Variants in CCDC7 observed in about 807,000 individuals in gnomAD.
The protein encoded by CCDC7 is coiled-coil domain-containing protein 7.
Under a neutral mutation model 196.9 loss-of-function variants are expected in CCDC7, and 183 were observed. That is an observed-to-expected ratio of 0.93 (90% CI 0.82 to 1.05). The LOEUF (loss-of-function observed/expected upper bound fraction) is 1.05, where lower values mean the gene tolerates loss of function less well. Among genes scored for constraint, CCDC7 ranks in the 50% least tolerant of loss-of-function variants. The pLI is 0.00. For missense variants in CCDC7, 1,540 were observed against 1,482.2 expected (o/e 1.04, Z -0.64); for synonymous variants, 525 against 484.6 (o/e 1.08, Z -1.10).
At chr10:32,703,473 G>T (rs1267917875) in intron 24 of CCDC7, among the ~76,000 whole-genome samples, 1 of 151,922 alleles carries the variant, frequency 6.6e-6, no homozygotes, top group Non-Finnish European at 1.5e-5. Context: ...CTACTTTGGT[G>T]AATCTGACAA....
At chr10:32,850,901 G>A (rs1045593524) in intron 39 of CCDC7, among the ~76,000 whole-genome samples, 1 of 151,366 alleles carries the variant, frequency 6.6e-6, no homozygotes, top group Non-Finnish European at 1.5e-5. Flanking sequence ...AGAAACGAAG[G>A]CAAATATGGC....
intron 26 of CCDC7, among the ~76,000 whole-genome samples, chr10:32,727,344 T>C (rs1318055507): frequency 2.6e-5 from 4 of 152,162 alleles, no homozygotes; most frequent in Admixed American, 2.6e-4. Context: ...GTCTTCTTGG[T>C]ACCCTTATAG....
At chr10:32,864,163 AG>A (rs1419594618) in intron 41 of CCDC7, among the ~76,000 whole-genome samples, 5 of 152,004 alleles carry the variant, frequency 3.3e-5, no homozygotes, top group Admixed American at 3.3e-4. Context: ...AGTAATCCTT[AG>A]GGAAATGCAA....
intron 18 of CCDC7, among the ~76,000 whole-genome samples, chr10:32,617,505 A>G (rs1263613621): frequency 6.6e-6 from 1 of 151,750 alleles, no homozygotes; most frequent in Admixed American, 6.6e-5. Context: ...CATTCATTTA[A>G]TAAAATTTTT....
intron 25 of CCDC7, among the ~76,000 whole-genome samples, chr10:32,720,519 CT>C (rs2082254253): frequency 6.6e-6 from 1 of 151,990 alleles, no homozygotes; most frequent in Non-Finnish European, 1.5e-5. Context: ...ACATGTATAC[CT>C]ATGTAACAAG....
At chr10:32,851,689 A>G (rs1226887972) in intron 39 of CCDC7, 118 bp from the exon 41 acceptor site, 1 of 997,522 alleles carries the variant, frequency 1.0e-6, no homozygotes, top group African/African-American at 1.7e-5. Flanking sequence ...GTTTTTTTAA[A>G]TGTTTGCTTT....
At chr10:32,645,503 C>CTTT (rs35170235) in intron 20 of CCDC7, among the ~76,000 whole-genome samples, 134 of 64,926 alleles carry the variant, frequency 2.1e-3, no homozygotes, top group East Asian at 2.7e-3. Context: ...GAGTCCATGT[C>CTTT]TTTTTTTTTT....
intron 28 of CCDC7, among the ~76,000 whole-genome samples, chr10:32,777,376 T>G (rs1183496891): frequency 6.6e-6 from 1 of 152,194 alleles, no homozygotes; most frequent in Non-Finnish European, 1.5e-5. Flanking sequence ...GAACAATTTA[T>G]TTTCCTTTGG....
upstream of CCDC7, among the ~76,000 whole-genome samples, chr10:32,445,177 C>G (rs572424736): frequency 3.9e-5 from 6 of 152,220 alleles, no homozygotes; most frequent in South Asian, 1.2e-3. Flanking sequence ...TTTGAACACA[C>G]CCAGAAAGAG....
At chr10:32,819,255 A>T (rs1432410898) in intron 31 of CCDC7, among the ~76,000 whole-genome samples, 1 of 152,222 alleles carries the variant, frequency 6.6e-6, no homozygotes, top group Non-Finnish European at 1.5e-5. Context: ...CCCTCCCAAG[A>T]CCAAACCAGG....
chr10:32,543,237 A>G (rs1413767040), intron 11 of CCDC7, 63 bp from the exon 13 acceptor site: 2 of 1,252,760 alleles, frequency 1.6e-6, no homozygotes, highest in African/African-American at 1.6e-5. Flanking sequence ...GTATATTATC[A>G]TATCTTTCTA....
chr10:32,870,179 C>T lies in CCDC7; in HGVS notation c.4112-6168C>T, dbSNP rs550630698. Reference sequence around the variant, plus strand: ...GGATGGCATTGAATCTGTAAATTACCTTGGGCAGTATGGCCATTTTCACGA... The same window carrying T: ...GGATGGCATTGAATCTGTAAATTACTTTGGGCAGTATGGCCATTTTCACGA... On this transcript the variant is annotated intron_variant, in intron 41 of 41. Transcript: ENST00000639629. Among the ~76,000 whole-genome samples, 232 of 152,142 alleles carry T rather than the reference C, an allele frequency of 1.5e-3. 1 individual carries two copies. The highest frequency in any genetic ancestry group is 0.01 in the Middle Eastern group (3 of 294).
intron 41 of CCDC7, among the ~76,000 whole-genome samples, chr10:32,857,442 A>G (rs978132459): frequency 6.6e-6 from 1 of 152,196 alleles, no homozygotes; most frequent in African/African-American, 2.4e-5. Flanking sequence ...TTCTGAAAAC[A>G]ATGGTATGAA....
chr10:32,500,239 G>GA (rs1423816640), intron 9 of CCDC7, among the ~76,000 whole-genome samples: 3 of 148,346 alleles, frequency 2.0e-5, no homozygotes, highest in African/African-American at 5.0e-5. Context: ...GCTGCCCCCC[G>GA]ACCTCCTGGA....
chr10:32,501,011 C>A (rs555847198), intron 9 of CCDC7, among the ~76,000 whole-genome samples: 1 of 152,080 alleles, frequency 6.6e-6, no homozygotes, highest in Admixed American at 6.5e-5. Context: ...GTCCAGCCTC[C>A]GCTCGGCATC....
chr10:32,478,606 T>C (rs2039433020), intron 8 of CCDC7, among the ~76,000 whole-genome samples: 1 of 152,166 alleles, frequency 6.6e-6, no homozygotes, highest in Non-Finnish European at 1.5e-5. Flanking sequence ...GTAGATTACA[T>C]TAATTGATTT....
intron 21 of CCDC7, among the ~76,000 whole-genome samples, chr10:32,665,453 G>T (rs2072455584): frequency 2.0e-5 from 3 of 151,908 alleles, no homozygotes; most frequent in Non-Finnish European, 4.4e-5. Flanking sequence ...CTAAATTTAT[G>T]TGTCCTTAAT....
At chr10:32,624,168 T>G (rs951104090) in intron 18 of CCDC7, among the ~76,000 whole-genome samples, 2 of 152,172 alleles carry the variant, frequency 1.3e-5, no homozygotes, top group African/African-American at 4.8e-5. Context: ...CAACCACTTT[T>G]CACCACCTCC....
chr10:32,474,508 A>T (rs1267953127), intron 8 of CCDC7, among the ~76,000 whole-genome samples: 1 of 151,716 alleles, frequency 6.6e-6, no homozygotes, highest in African/African-American at 2.4e-5. Flanking sequence ...AAGTGCTGGG[A>T]TTACAGGCGT....
Sources: allele counts gnomAD v4.1 joint callset (sites outside exome capture counted in the v4.1 genomes callset), GRCh38; gene constraint gnomAD v4.1.1; transcripts MANE v1.5; gene names NCBI Gene and HGNC (gene_info 2026-07-23, HGNC 2026-07-21).